Variants in MTREX observed in about 807,000 individuals in gnomAD.
MTREX encodes the protein Mtr4 exosome RNA helicase.
In MTREX, 76 loss-of-function variants were observed where a neutral mutation model predicts 135.4. The ratio of observed to expected loss-of-function variants is 0.56; its 90% CI spans 0.47 to 0.68. The LOEUF (loss-of-function observed/expected upper bound fraction) is 0.68, where lower values mean the gene tolerates loss of function less well. Ranked by LOEUF, MTREX falls within the 30% of genes least tolerant of loss-of-function variation. The pLI is 0.00. For synonymous variants in MTREX, 404 were observed against 401.6 expected, an observed-to-expected ratio of 1.01 and a Z score of -0.07; for missense variants, 920 against 1,262.1, an observed-to-expected ratio of 0.73 and a Z score of 4.11.
intron 6 of MTREX, 83 bp downstream of exon 6, chr5:55,340,267 T>C (rs1749622903): frequency 9.0e-7 from 1 of 1,110,278 alleles, no homozygotes; most frequent in South Asian, 2.3e-5. Context: ...GAAGTTTTAT[T>C]GGTTGCTCTA....
intron 18 of MTREX, among the ~76,000 whole-genome samples, chr5:55,379,573 G>C (rs992956878): frequency 3.3e-4 from 47 of 143,804 alleles, no homozygotes; most frequent in Non-Finnish European, 5.9e-4. Context: ...AAATCTCCCT[G>C]ACACACACAC....
intron 18 of MTREX, among the ~76,000 whole-genome samples, chr5:55,385,154 G>T (rs1226211280): frequency 6.6e-6 from 1 of 152,164 alleles, no homozygotes; most frequent in African/African-American, 2.4e-5. Context: ...AAAGCTGGGG[G>T]TGGGGAGAAT....
rs1749491049 is a variant in MTREX, at chr5:55,332,287, T to C, written c.515+3476T>C. 2.6e-5 allele frequency among the ~76,000 whole-genome samples: 4 copies of C among 152,236 alleles called. No homozygotes were observed. In the South Asian group the frequency reaches 6.2e-4, roughly 24 times the overall value. On this transcript the variant is annotated intron_variant, in intron 5 of 26. Transcript: ENST00000230640. The stretch of plus-strand genomic sequence containing the variant: ...GCAATCTGTTGTAGATTGACTCTTT[T>C]GATTTAACTTTTACAATTTATAACA...
intron 19 of MTREX, among the ~76,000 whole-genome samples, chr5:55,390,274 T>G (rs1561206027): frequency 6.6e-6 from 1 of 152,174 alleles, no homozygotes; most frequent in Non-Finnish European, 1.5e-5. Context: ...GGCTAATTTT[T>G]GTATTTTTAC....
intron 4 of MTREX, 98 bp downstream of exon 4, chr5:55,327,876 G>T (rs745570814): frequency 2.4e-6 from 2 of 845,670 alleles, no homozygotes; most frequent in Non-Finnish European, 3.8e-6. Context: ...CCCACAACAT[G>T]TATATGTATG....
At chr5:55,365,316 A>T (rs1036447784) in intron 15 of MTREX, among the ~76,000 whole-genome samples, 2 of 152,088 alleles carry the variant, frequency 1.3e-5, no homozygotes, top group African/African-American at 4.8e-5. Flanking sequence ...TTTTGGCCCT[A>T]TTTTTAAGGA....
chr5:55,402,419 C>T (rs1199791960), intron 21 of MTREX, among the ~76,000 whole-genome samples: 1 of 152,180 alleles, frequency 6.6e-6, no homozygotes, highest in Non-Finnish European at 1.5e-5. Context: ...GTTTTCACAA[C>T]ACAAGAACAG....
At chr5:55,359,055 T>C (rs1749966876) in intron 15 of MTREX, among the ~76,000 whole-genome samples, 1 of 152,214 alleles carries the variant, frequency 6.6e-6, no homozygotes, top group African/African-American at 2.4e-5. Context: ...GATAATCAAG[T>C]GTTTTGGGCA....
intron 5 of MTREX, among the ~76,000 whole-genome samples, chr5:55,335,624 T>C (rs910832938): frequency 6.6e-6 from 1 of 152,144 alleles, no homozygotes; most frequent in Non-Finnish European, 1.5e-5. Context: ...TTCTGGACTT[T>C]GTTATATCTT....
chr5:55,379,583 C>A (rs1441928203), intron 18 of MTREX, among the ~76,000 whole-genome samples: 1 of 113,016 alleles, frequency 8.8e-6, no homozygotes, highest in African/African-American at 4.2e-5. Flanking sequence ...GACACACACA[C>A]ACACACACAC....
chr5:55,388,085 G>A lies in MTREX; in HGVS notation c.2164G>A (p.Glu722Lys), dbSNP rs1280391699. 3 of 1,605,992 alleles carry A rather than the reference G, an allele frequency of 1.9e-6. No individual in the cohort carries two copies. The highest frequency in any genetic ancestry group is 1.1e-5 in the South Asian group (1 of 90,024). Reference sequence around the variant, plus strand: ...AGCTGCAAAACCAGCTAAACCTGATGAGAAAGGAGAGATGCAGGTTTGTAC... The same window carrying A: ...AGCTGCAAAACCAGCTAAACCTGATAAGAAAGGAGAGATGCAGGTTTGTAC... ...TEAAKPAKPD[E>K]KGEMQVVPVL... The change falls in exon 19 of 27, where the codon GAG (glutamate) becomes AAG (lysine). Residue 722 changes from glutamate to lysine, a missense_variant. Glu to Lys is a moderately conservative substitution (Grantham distance 56). Around this residue, in one of 6 missense-constraint regions of MTREX, gnomAD observed 467 missense variants for 589.7 expected, o/e 0.79. Transcript: ENST00000230640.
intron 21 of MTREX, among the ~76,000 whole-genome samples, chr5:55,401,889 C>G (rs1561209388): frequency 6.6e-6 from 1 of 152,050 alleles, no homozygotes; most frequent in Non-Finnish European, 1.5e-5. Context: ...ACTTACAACT[C>G]CTTGCTGTTG....
intron 19 of MTREX, among the ~76,000 whole-genome samples, chr5:55,391,767 A>G (rs1750571031): frequency 6.6e-6 from 1 of 152,196 alleles, no homozygotes; most frequent in South Asian, 2.1e-4. Flanking sequence ...AAATCCACCT[A>G]TAACCTGTGG....
chr5:55,392,254 C>A (rs1283787642), intron 19 of MTREX, among the ~76,000 whole-genome samples: 1 of 152,014 alleles, frequency 6.6e-6, no homozygotes, highest in South Asian at 2.1e-4. Context: ...TCATTAAGTT[C>A]TCCTGTCTGG....
At chr5:55,362,355 TTTTG>T (rs747817330) in intron 15 of MTREX, among the ~76,000 whole-genome samples, 7 of 151,350 alleles carry the variant, frequency 4.6e-5, no homozygotes, top group South Asian at 2.1e-4. Context: ...TTTTTGTTTT[TTTTG>T]TTTGTTTGTT....
At chr5:55,421,012 A>G (rs573118518) in intron 25 of MTREX, among the ~76,000 whole-genome samples, 2 of 152,330 alleles carry the variant, frequency 1.3e-5, no homozygotes, top group African/African-American at 4.8e-5. Context: ...CAATAACTAG[A>G]AAGAATTGGA....
At chr5:55,341,165 A>G (rs1456195478) in intron 6 of MTREX, among the ~76,000 whole-genome samples, 1 of 152,122 alleles carries the variant, frequency 6.6e-6, no homozygotes, top group African/African-American at 2.4e-5. Flanking sequence ...ACTTTCTTTC[A>G]TCTGTGGAAG....
chr5:55,387,899 C>T (rs1750503709), intron 18 of MTREX, 75 bp from the exon 19 acceptor site: 1 of 1,414,132 alleles, frequency 7.1e-7, no homozygotes. Flanking sequence ...GAAAATAGTT[C>T]CTATACAGAT....
At chr5:55,372,892 A>ATGTGTGTGTGTGTGTG (rs59026723) in intron 16 of MTREX, among the ~76,000 whole-genome samples, 2 of 120,912 alleles carry the variant, frequency 1.7e-5, no homozygotes, top group African/African-American at 3.1e-5. Context: ...TAAAACTGTA[A>ATGTGTGTGTGTGTGTG]TGTGTGTGTG....
Sources: allele counts gnomAD v4.1 joint callset (sites outside exome capture counted in the v4.1 genomes callset), GRCh38; gene constraint gnomAD v4.1.1; regional missense constraint gnomAD v4.1.1; transcripts MANE v1.5; gene names NCBI Gene and HGNC (gene_info 2026-07-23, HGNC 2026-07-21).